The following COG5 variants were observed in gnomAD, a reference collection of about 807,000 sequenced individuals.
The protein encoded by COG5 is component of oligomeric golgi complex 5.
In COG5, 86 loss-of-function variants were observed where a neutral mutation model predicts 110.4. The ratio of observed to expected loss-of-function variants is 0.78; its 90% confidence interval spans 0.65 to 0.93. The LOEUF is 0.93. Ranked by LOEUF, COG5 falls within the 40% of genes least tolerant of loss-of-function variation. The pLI is 0.00. For synonymous variants in COG5, 360 were observed against 334.6 expected (o/e 1.08, Z -0.83); for missense variants, 1,077 against 987.0 (o/e 1.09, Z -1.22).
chr7:107,441,728 T>C (rs1340388390), intron 6 of COG5, among the ~76,000 whole-genome samples: 1 of 152,208 alleles, frequency 6.6e-6, no homozygotes, highest in East Asian at 1.9e-4. Context: ...AGCACATTAC[T>C]TGTATCTCTT....
intron 6 of COG5, among the ~76,000 whole-genome samples, chr7:107,444,344 A>G (rs543693237): frequency 1.6e-4 from 25 of 152,318 alleles, no homozygotes; most frequent in Non-Finnish European, 2.9e-4. Context: ...CAGAGTTTAA[A>G]TTATTCAAGT....
chr7:107,449,994 C>A (rs1795238754), intron 6 of COG5: 1 of 152,122 alleles, frequency 6.6e-6, no homozygotes, highest in Non-Finnish European at 1.5e-5. Flanking sequence ...TTAATCCCAG[C>A]AAAGGATGGT....
intron 6 of COG5, chr7:107,472,540 G>C (rs1796698953): frequency 6.6e-6 from 1 of 151,874 alleles, no homozygotes; most frequent in African/African-American, 2.4e-5. Context: ...TCTAACTGAT[G>C]TGACAAAGAC....
chr7:107,203,275 C>A lies in COG5; in HGVS notation c.*241G>T. 3.8e-6 allele frequency: 2 copies of A among 530,630 alleles called. No homozygotes were observed. Among genetic ancestry groups the A allele is most frequent in the Non-Finnish European group, 6.8e-6 (2 of 295,700 alleles). The allele number at this position is 530,630 out of a possible 1,614,324, so 32.9% of individuals were successfully genotyped here. ...AGACATTTTAGCCTTGTACAAAAATCTGAAAGAGGAAAACATCTTTCTGGA... is the reference window on the plus strand; with the variant it reads ...AGACATTTTAGCCTTGTACAAAAATATGAAAGAGGAAAACATCTTTCTGGA... On this transcript the variant is annotated 3_prime_UTR_variant, in exon 22 of 22. Transcript: ENST00000297135.
chr7:107,362,350 A>G lies in COG5; in HGVS notation c.906T>C (p.Asn302=), dbSNP rs777916941. The G allele has an allele frequency of 2.7e-5, 44 of 1,613,492 alleles. No individual in the cohort carries two copies. The highest frequency in any genetic ancestry group is 3.6e-5 in the Non-Finnish European group (43 of 1,179,594). ...TAALRASFWT[N]MEKLMDHIYA... ...AAATATGATCCATAAGTTTCTCCAT[A>G]TTGGTCCAGAATGAGGCACGCAAAG... Residue 302 remains asparagine (N), a synonymous_variant, in exon 9 of 22, where the codon AAT becomes AAC. Transcript: ENST00000297135.
At chr7:107,400,604 G>A (rs17154056) in intron 7 of COG5, among the ~76,000 whole-genome samples, 1,826 of 152,136 alleles carry the variant, frequency 0.012, 30 homozygotes, top group African/African-American at 0.041. Context: ...AATTTAGTCC[G>A]TTATTGAAAA....
At chr7:107,302,351 A>C (rs1425128965) in intron 11 of COG5, among the ~76,000 whole-genome samples, 1 of 152,202 alleles carries the variant, frequency 6.6e-6, no homozygotes, top group Non-Finnish European at 1.5e-5. Flanking sequence ...AAAGCAGATC[A>C]GTGTTTGCCT....
At chr7:107,557,351 T>C (rs1237853295) in intron 2 of COG5, among the ~76,000 whole-genome samples, 2 of 152,230 alleles carry the variant, frequency 1.3e-5, no homozygotes, top group Non-Finnish European at 2.9e-5. Context: ...AATCGCCCTA[T>C]AAAATTTACA....
chr7:107,351,396 TG>T (rs1239172429), intron 10 of COG5, among the ~76,000 whole-genome samples: 4 of 152,160 alleles, frequency 2.6e-5, no homozygotes, highest in Non-Finnish European at 4.4e-5. Context: ...GACATAGGCA[TG>T]GGCAAGGACT....
intron 6 of COG5, among the ~76,000 whole-genome samples, chr7:107,450,876 C>T (rs10276321): frequency 0.4 from 60,880 of 151,924 alleles, 12,888 homozygotes; most frequent in Non-Finnish European, 0.47. Context: ...TATCAGACAA[C>T]GCCCTGGCCA....
chr7:107,510,988 G>T (rs1203317439), intron 6 of COG5, among the ~76,000 whole-genome samples: 1 of 151,910 alleles, frequency 6.6e-6, no homozygotes, highest in Non-Finnish European at 1.5e-5. Flanking sequence ...AAAAGAACTA[G>T]AAAAGCAAGA....
intron 6 of COG5, among the ~76,000 whole-genome samples, chr7:107,497,636 A>T (rs149598432): frequency 6.6e-6 from 1 of 152,322 alleles, no homozygotes; most frequent in East Asian, 1.9e-4. Context: ...GAAACTAAAG[A>T]ACTAAAGAAG....
At chr7:107,383,396 G>C (rs1269933282) in intron 7 of COG5, among the ~76,000 whole-genome samples, 1 of 152,146 alleles carries the variant, frequency 6.6e-6, no homozygotes, top group Non-Finnish European at 1.5e-5. Flanking sequence ...GCTCATTCCT[G>C]ACAAGCCAAC....
At chr7:107,340,094 T>C (rs988652890) in intron 10 of COG5, among the ~76,000 whole-genome samples, 1 of 151,900 alleles carries the variant, frequency 6.6e-6, no homozygotes, top group Non-Finnish European at 1.5e-5. Context: ...AATTGGTTCT[T>C]TGAAAGAGTA....
intron 21 of COG5, among the ~76,000 whole-genome samples, chr7:107,206,950 A>G (rs1798828375): frequency 6.6e-6 from 1 of 152,176 alleles, no homozygotes; most frequent in Non-Finnish European, 1.5e-5. Flanking sequence ...TCTGGTTTGT[A>G]ACCAAAATAA....
intron 11 of COG5, among the ~76,000 whole-genome samples, chr7:107,323,488 G>A (rs1237093503): frequency 3.3e-5 from 5 of 152,148 alleles, no homozygotes; most frequent in African/African-American, 9.7e-5. Flanking sequence ...CCGAGATCAC[G>A]TGACTGCACT....
chr7:107,317,461 G>A (rs1250917855), intron 11 of COG5, among the ~76,000 whole-genome samples: 1 of 152,150 alleles, frequency 6.6e-6, no homozygotes. Flanking sequence ...GGAACATCCT[G>A]TTACATTCAC....
At chr7:107,207,711 T>C in intron 21 of COG5, 5 of 947,854 alleles carry the variant, frequency 5.3e-6, no homozygotes, top group Middle Eastern at 5.4e-4. Flanking sequence ...TGATGCAGGC[T>C]GAACACATAC....
intron 21 of COG5, among the ~76,000 whole-genome samples, chr7:107,205,429 T>C (rs978128965): frequency 7.2e-5 from 11 of 152,206 alleles, no homozygotes; most frequent in African/African-American, 2.7e-4. Context: ...TTTCCATTTT[T>C]GTGTTACCAA....
Sources: allele counts gnomAD v4.1 joint callset (sites outside exome capture counted in the v4.1 genomes callset), GRCh38; gene constraint gnomAD v4.1.1; transcripts MANE v1.5; gene names NCBI Gene and HGNC (gene_info 2026-07-23, HGNC 2026-07-21).